SLC44A5: variants seen among roughly 807,000 people sequenced by gnomAD.
SLC44A5 encodes the protein choline transporter-like protein 5.
A neutral mutation model predicts 101.8 loss-of-function variants in SLC44A5; 57 were observed. That is an observed-to-expected ratio of 0.56 (90% CI 0.45 to 0.70). SLC44A5 has a LOEUF of 0.70. Ranked by LOEUF, SLC44A5 falls within the 30% of genes least tolerant of loss-of-function variation. The pLI, the probability that SLC44A5 is intolerant of heterozygous loss-of-function variation, is 0.00. For synonymous variants in SLC44A5, 281 were observed against 290.9 expected (o/e 0.97, Z 0.35); for missense variants, 737 against 853.1 (o/e 0.86, Z 1.70).
At chr1:75,634,341 C>T in the SLC44A5 span, among the ~76,000 whole-genome samples, 1 of 152,076 alleles carries the variant, frequency 6.6e-6, no homozygotes, top group Admixed American at 6.6e-5. Context: ...GCTGTGAATC[C>T]AACTGGTCCT....
At chr1:75,527,831 T>C (rs1399865120) in intron 2 of SLC44A5, among the ~76,000 whole-genome samples, 1 of 152,220 alleles carries the variant, frequency 6.6e-6, no homozygotes, top group Non-Finnish European at 1.5e-5. Flanking sequence ...TTCACTGACC[T>C]TTTGTATCAC....
At chr1:75,314,526 T>C (rs1375382094) in intron 4 of SLC44A5, among the ~76,000 whole-genome samples, 1 of 152,168 alleles carries the variant, frequency 6.6e-6, no homozygotes, top group Admixed American at 6.6e-5. Flanking sequence ...CTTTCATTGA[T>C]GCTAGGGTTG....
At chr1:75,563,605 A>T (rs1332112726) in intron 1 of SLC44A5, among the ~76,000 whole-genome samples, 4 of 152,174 alleles carry the variant, frequency 2.6e-5, no homozygotes, top group Non-Finnish European at 4.4e-5. Context: ...ACAGATAGCT[A>T]AACAAATAAT....
At chr1:75,346,353 T>A (rs1405549394) in intron 3 of SLC44A5, among the ~76,000 whole-genome samples, 1 of 152,198 alleles carries the variant, frequency 6.6e-6, no homozygotes, top group African/African-American at 2.4e-5. Flanking sequence ...TCATTTGAAA[T>A]AATTTGCTCT....
At chr1:75,641,654 A>G in the SLC44A5 span, 662,986 of 1,487,314 alleles carry the variant, frequency 0.45, 157,155 homozygotes, top group East Asian at 0.92. Flanking sequence ...AAGTAAAATA[A>G]CTTCAGCTTG....
At chr1:75,443,361 T>C (rs1294947799) in intron 2 of SLC44A5, among the ~76,000 whole-genome samples, 1 of 151,888 alleles carries the variant, frequency 6.6e-6, no homozygotes, top group Non-Finnish European at 1.5e-5. Flanking sequence ...GAAAACTCAT[T>C]GATTGATACA....
At chr1:75,476,846 G>A (rs1385485444) in intron 2 of SLC44A5, among the ~76,000 whole-genome samples, 2 of 152,236 alleles carry the variant, frequency 1.3e-5, no homozygotes, top group Non-Finnish European at 2.9e-5. Flanking sequence ...CAAAAAGACA[G>A]CAGTAACCTC....
Position 75,425,759 on chromosome 1 carries a change from C to T in SLC44A5, c.14-29138G>A, listed in dbSNP as rs181054740. The stretch of plus-strand genomic sequence containing the variant: ...TGAACATGCCATGCTATGGGCCCTT[C>T]TTAGCCGCAGAACTCACGGTTCTAC... On this transcript the variant is annotated intron_variant, in intron 2 of 23. Transcript: ENST00000370859. 4.1e-3 allele frequency among the ~76,000 whole-genome samples: 622 copies of T among 152,264 alleles called. 5 individuals carry two copies. The highest frequency in any genetic ancestry group is 0.014 in the African/African-American group (597 of 41,546).
At chr1:75,542,431 AAATG>A (rs1671406245) in intron 1 of SLC44A5, among the ~76,000 whole-genome samples, 1 of 152,172 alleles carries the variant, frequency 6.6e-6, no homozygotes, top group Non-Finnish European at 1.5e-5. Context: ...CATACTACAT[AAATG>A]AATATTTTAA....
intron 3 of SLC44A5, among the ~76,000 whole-genome samples, chr1:75,341,666 C>T (rs1291803786): frequency 2.0e-5 from 3 of 152,202 alleles, no homozygotes; most frequent in African/African-American, 2.4e-5. Flanking sequence ...GGGCGGGTCA[C>T]GAATGAACAG....
chr1:75,411,508 A>G (rs1368011619), intron 2 of SLC44A5, among the ~76,000 whole-genome samples: 1 of 152,136 alleles, frequency 6.6e-6, no homozygotes, highest in African/African-American at 2.4e-5. Context: ...AAGTTGAAAG[A>G]GCATGAAGTA....
chr1:75,677,261 A>G, the SLC44A5 span, among the ~76,000 whole-genome samples: 1 of 152,208 alleles, frequency 6.6e-6, no homozygotes, highest in Non-Finnish European at 1.5e-5. Flanking sequence ...TAAAAGTTTA[A>G]CCTATCAAAA....
chr1:75,218,403 G>A, intron 17 of SLC44A5, 87 bp downstream of exon 17: 1 of 1,492,354 alleles, frequency 6.7e-7, no homozygotes, highest in Non-Finnish European at 9.1e-7. Context: ...TTTGTACCTT[G>A]CCACTTGAAT....
chr1:75,441,571 T>C (rs1665204155), intron 2 of SLC44A5, among the ~76,000 whole-genome samples: 1 of 151,852 alleles, frequency 6.6e-6, no homozygotes, highest in African/African-American at 2.4e-5. Flanking sequence ...ATAATTGAAT[T>C]AAATTTGCTG....
At chr1:75,564,768 C>T (rs211708) in intron 1 of SLC44A5, among the ~76,000 whole-genome samples, 115,227 of 151,868 alleles carry the variant, frequency 0.76, 44,057 homozygotes, top group East Asian at 0.95. Context: ...TACAGGTGAC[C>T]GCCACCACCA....
rs978465695 is a variant in SLC44A5 at position 75,242,085 on chromosome 1, A to C, written c.472-24T>G. ...GACTAAAATAGAAGGAAGAACGTTA[A>C]CATTTCAAAGGCCATGTGATGATTA... On this transcript the variant is annotated intron_variant, in intron 8 of 23. Transcript: ENST00000370859. 4 of 1,599,916 alleles carry C rather than the reference A, an allele frequency of 2.5e-6. No individual in the cohort carries two copies. The African/African-American group carries it at 5.4e-5, about 21-fold the overall frequency.
At chr1:75,444,929 G>C (rs1422648882) in intron 2 of SLC44A5, among the ~76,000 whole-genome samples, 1 of 152,156 alleles carries the variant, frequency 6.6e-6, no homozygotes, top group Non-Finnish European at 1.5e-5. Context: ...AGGAGAGAAT[G>C]ATGGAGATTG....
intron 6 of SLC44A5, among the ~76,000 whole-genome samples, chr1:75,272,368 C>T (rs546995900): frequency 6.7e-6 from 1 of 149,914 alleles, no homozygotes; most frequent in South Asian, 2.1e-4. Context: ...TTATTTCTCA[C>T]AAGATAGATA....
rs200355985 is a variant in SLC44A5, at chr1:75,549,604, ACTTTAATTC to A, written c.-69-8097_-69-8089del. Among the ~76,000 whole-genome samples, 21 of 152,280 alleles carry A rather than the reference ACTTTAATTC, an allele frequency of 1.4e-4. No individual in the cohort carries two copies. In the East Asian group the frequency reaches 3.5e-3, roughly 25 times the overall value. Reference sequence around the variant, plus strand: ...GATGGTAGGAATGAAAAATAGTTATACTTTAATTCCTGACCTTAAGGGATTTACAGTCTT... The same window carrying A: ...GATGGTAGGAATGAAAAATAGTTATACTGACCTTAAGGGATTTACAGTCTT... On this transcript the variant is annotated intron_variant, in intron 1 of 23. Coordinates refer to ENST00000370859, the MANE Select transcript of SLC44A5 (RefSeq NM_001130058.2).
Sources: gnomAD v4.1 joint callset for allele counts (sites outside exome capture counted in the v4.1 genomes callset) on GRCh38, gnomAD v4.1.1 for gene constraint, MANE v1.5 for transcripts, NCBI Gene and HGNC (gene_info 2026-07-23, HGNC 2026-07-21) for gene names.